The following PINX1 variants were observed in gnomAD, a reference collection of about 807,000 sequenced individuals.
PINX1 encodes PIN2 (TERF1) interacting telomerase inhibitor 1, also known as PIN2/TERF1-interacting telomerase inhibitor 1.
Under a neutral mutation model 25.4 loss-of-function variants are expected in PINX1, and 34 were observed. The observed-to-expected ratio is 1.34, with a 90% CI of 1.02 to 1.78. The LOEUF (loss-of-function observed/expected upper bound fraction) is 1.78. Among genes scored for constraint, PINX1 ranks in the 40% most tolerant of loss-of-function variants. The pLI is 0.00. For missense variants in PINX1, 592 were observed against 404.9 expected, an observed-to-expected ratio of 1.46 and a Z score of -3.97; for synonymous variants, 197 against 147.7, an observed-to-expected ratio of 1.33 and a Z score of -2.42.
At position 10,826,204 on chromosome 8, in the gene PINX1, C is replaced by T; in HGVS notation, c.342G>A (p.Glu114=). Residue 114 remains glutamate, a synonymous_variant, in exon 5 of 7, where the codon GAG becomes GAA. Transcript: ENST00000314787. ...DKKEKKSFSL[E]EKSKISKNRV... ...GGTTTTTGGAGATTTTGGACTTTTC[C>T]TCAAGGCTAAAAGATTTCTTTTCCT... is the stretch of plus-strand genomic sequence containing the variant. The T allele has an allele frequency of 6.3e-7, 1 of 1,597,568 alleles. No individual in the cohort carries two copies. Among genetic ancestry groups the T allele is most frequent in the Non-Finnish European group, 8.6e-7 (1 of 1,168,094 alleles).
At chr8:10,781,466 T>C (rs1322176345) in intron 6 of PINX1, among the ~76,000 whole-genome samples, 1 of 152,118 alleles carries the variant, frequency 6.6e-6, no homozygotes, top group Non-Finnish European at 1.5e-5. Flanking sequence ...AAAGTTAATA[T>C]CTGAAACTTA....
At chr8:10,832,868 C>T (rs1440700278) in intron 3 of PINX1, 24 bp downstream of exon 3, 6 of 1,438,348 alleles carry the variant, frequency 4.2e-6, no homozygotes, top group Non-Finnish European at 5.9e-6. Flanking sequence ...CAAAGACACC[C>T]AGGAGGCACA....
Position 10,765,876 on chromosome 8 carries a change from G to C in PINX1, c.512C>G (p.Thr171Arg), listed in dbSNP as rs377311809. The change falls in exon 7 of 7, where the codon ACG becomes AGG. Residue 171 changes from threonine (T) to arginine (R), a missense_variant. Coordinates refer to ENST00000314787, the MANE Select transcript of PINX1 (RefSeq NM_017884.6). ...CTGGATGGTGAAGGCGCTGGTTGTCGTGGTTTCGTTCTCCTCTGGAGTGGA... is the reference window on the plus strand; with the variant it reads ...CTGGATGGTGAAGGCGCTGGTTGTCCTGGTTTCGTTCTCCTCTGGAGTGGA... ...SPSTPEENET[T>R]TTSAFTIQEY... 2 of 1,613,750 alleles carry C rather than the reference G, an allele frequency of 1.2e-6. No individual in the cohort carries two copies. The highest frequency in any genetic ancestry group is 2.2e-5 in the East Asian group (1 of 44,896).
At position 10,839,568 on chromosome 8, in the gene PINX1, G is replaced by T. The variant is rs546521875; in HGVS notation, c.19+170C>A. The T allele has an allele frequency of 1.5e-5, 10 of 650,474 alleles. No homozygotes were observed. The Admixed American group carries it at 2.6e-4, about 17-fold the overall frequency. 40.3% of individuals were successfully genotyped at this position (650,474 alleles called of 1,614,324 possible). A position where few individuals can be genotyped will look rare whatever the true frequency, so the allele number is the denominator to read the frequency against. On this transcript the variant is annotated intron_variant, in intron 1 of 6. Coordinates refer to ENST00000314787, the MANE Select transcript of PINX1 (RefSeq NM_017884.6). Reference sequence around the variant, plus strand: ...AGCAGACCTGCGGCCAACTTTCGGGGAGCTCTGCGGCGAGCAGGACAATCA... The same window carrying T: ...AGCAGACCTGCGGCCAACTTTCGGGTAGCTCTGCGGCGAGCAGGACAATCA...
intron 4 of PINX1, 29 bp downstream of exon 4, chr8:10,831,636 T>G: frequency 5.7e-6 from 8 of 1,400,358 alleles, no homozygotes; most frequent in Non-Finnish European, 8.0e-6. Context: ...ATATTTGCAT[T>G]GAGAACTTAT....
chr8:10,787,637 G>C (rs1055334035), intron 6 of PINX1: 6 of 321,322 alleles, frequency 1.9e-5, no homozygotes, highest in African/African-American at 1.3e-4. Context: ...TTGGTAAAAA[G>C]CCACACAAGG....
At chr8:10,797,448 A>G (rs1318603285) in intron 6 of PINX1, among the ~76,000 whole-genome samples, 1 of 152,228 alleles carries the variant, frequency 6.6e-6, no homozygotes, top group Non-Finnish European at 1.5e-5. Context: ...TCCTGATCTC[A>G]AAGTTTTGAA....
chr8:10,775,531 G>T (rs1367711593), intron 6 of PINX1, among the ~76,000 whole-genome samples: 1 of 142,212 alleles, frequency 7.0e-6, no homozygotes, highest in Non-Finnish European at 1.5e-5. Context: ...TTTTAAAAAA[G>T]ACATCTAAAA....
intron 1 of PINX1, among the ~76,000 whole-genome samples, chr8:10,839,129 C>A (rs1342969991): frequency 2.6e-5 from 4 of 152,152 alleles, no homozygotes; most frequent in African/African-American, 4.8e-5. Context: ...GGGGTTTCAC[C>A]GACTCCACCA....
chr8:10,807,269 C>T (rs1802480105), intron 6 of PINX1, among the ~76,000 whole-genome samples: 1 of 149,032 alleles, frequency 6.7e-6, no homozygotes, highest in South Asian at 2.1e-4. Flanking sequence ...AATATGACAG[C>T]AAAACTTACC....
chr8:10,824,726 C>G (rs982564559), intron 5 of PINX1, among the ~76,000 whole-genome samples: 1 of 152,198 alleles, frequency 6.6e-6, no homozygotes, highest in Non-Finnish European at 1.5e-5. Flanking sequence ...GAAGATTCTA[C>G]CTGTAAAAGT....
intron 6 of PINX1, among the ~76,000 whole-genome samples, chr8:10,786,399 A>C (rs1801748377): frequency 6.6e-6 from 1 of 152,162 alleles, no homozygotes; most frequent in Non-Finnish European, 1.5e-5. Flanking sequence ...TGCCAGTAAA[A>C]GTGGGGAGTT....
In PINX1 at chr8:10,839,731, C is replaced by T. The variant is rs369894675; in HGVS notation, c.19+7G>A. On this transcript the variant is annotated splice_region_variant and intron_variant, in intron 1 of 6. Coordinates refer to ENST00000314787, the MANE Select transcript of PINX1 (RefSeq NM_017884.6). ...GCCTGGGTCGGGCCTCCGCTTCCGA[C>T]ACTCACGTTCAGCCAGCATAGACAT... 8.7e-6 allele frequency: 14 copies of T among 1,603,778 alleles called. No individual in the cohort carries two copies. In the African/African-American group the frequency reaches 1.9e-4, roughly 21 times the overall value.
At chr8:10,823,584 A>G (rs1797942128) in intron 5 of PINX1, among the ~76,000 whole-genome samples, 1 of 152,254 alleles carries the variant, frequency 6.6e-6, no homozygotes, top group African/African-American at 2.4e-5. Flanking sequence ...GATAAAACTG[A>G]CATTTAAAAT....
At chr8:10,798,963 C>A (rs1563217354) in intron 6 of PINX1, among the ~76,000 whole-genome samples, 1 of 152,170 alleles carries the variant, frequency 6.6e-6, no homozygotes, top group Non-Finnish European at 1.5e-5. Flanking sequence ...AAATTGTGCA[C>A]AAGCAGCAAT....
At chr8:10,784,899 T>C (rs1801699070) in intron 6 of PINX1, among the ~76,000 whole-genome samples, 2 of 152,212 alleles carry the variant, frequency 1.3e-5, no homozygotes, top group Non-Finnish European at 1.5e-5. Context: ...TTCAGCCTCG[T>C]GCTCTTTGGC....
chr8:10,769,738 G>T (rs1169440709), intron 6 of PINX1, among the ~76,000 whole-genome samples: 1 of 152,318 alleles, frequency 6.6e-6, no homozygotes, highest in African/African-American at 2.4e-5. Context: ...CTCACAGCTG[G>T]AACACAGCAG....
intron 4 of PINX1, among the ~76,000 whole-genome samples, chr8:10,830,546 T>C (rs1472839855): frequency 1.3e-5 from 2 of 152,246 alleles, no homozygotes; most frequent in Non-Finnish European, 2.9e-5. Flanking sequence ...TCTTTCAATC[T>C]ACCAAATATC....
chr8:10,803,114 T>A (rs534357994), intron 6 of PINX1, among the ~76,000 whole-genome samples: 2 of 152,272 alleles, frequency 1.3e-5, no homozygotes, highest in South Asian at 4.1e-4. Context: ...AAATTTCAAA[T>A]ATACAAAAAA....
Sources: allele counts gnomAD v4.1 joint callset (sites outside exome capture counted in the v4.1 genomes callset), GRCh38; gene constraint gnomAD v4.1.1; transcripts MANE v1.5; gene names NCBI Gene and HGNC (gene_info 2026-07-23, HGNC 2026-07-21).